BBS12: variants seen among roughly 807,000 people sequenced by gnomAD.
BBS12 encodes chaperonin-containing T-complex member BBS12.
Under a neutral mutation model 5.6 loss-of-function variants are expected in BBS12, and 5 were observed. The observed-to-expected ratio is 0.89, with a 90% CI of 0.46 to 1.86. The LOEUF (loss-of-function observed/expected upper bound fraction) is 1.86, where lower values mean the gene tolerates loss of function less well. Among genes scored for constraint, BBS12 ranks in the 40% most tolerant of loss-of-function variants. The pLI is 0.01. For synonymous variants in BBS12, 308 were observed against 306.8 expected (o/e 1.00, Z -0.04); for missense variants, 748 against 830.4 (o/e 0.90, Z 1.22).
At position 122,744,032 on chromosome 4, in the gene BBS12, T is replaced by C; in HGVS notation, c.*7T>C. ...GGGCTTTCTATTTTTGTAGTGTTAC[T>C]GGCTAAGTCTTTGGAAAATAATTTT... is the stretch of plus-strand genomic sequence containing the variant. On this transcript the variant is annotated 3_prime_UTR_variant, in exon 2 of 2. Coordinates refer to ENST00000314218, the MANE Select transcript of BBS12 (RefSeq NM_152618.3). 1 of 1,608,848 alleles carries C rather than the reference T, an allele frequency of 6.2e-7. No individual in the cohort carries two copies. Among genetic ancestry groups the C allele is most frequent in the Non-Finnish European group, 8.5e-7 (1 of 1,175,232 alleles).
At chr4:122,734,712 A>G (rs563477394) in intron 1 of BBS12, among the ~76,000 whole-genome samples, 1 of 152,340 alleles carries the variant, frequency 6.6e-6, no homozygotes, top group Admixed American at 6.5e-5. Flanking sequence ...GGAGTAGTAT[A>G]TTAACCTATT....
chr4:122,737,518 A>G (rs554799312), intron 1 of BBS12, among the ~76,000 whole-genome samples: 1 of 152,212 alleles, frequency 6.6e-6, no homozygotes, highest in South Asian at 2.1e-4. Flanking sequence ...ACATTACATA[A>G]TACTTGTAAA....
At chr4:122,704,638 T>C in the BBS12 span, among the ~76,000 whole-genome samples, 1 of 152,226 alleles carries the variant, frequency 6.6e-6, no homozygotes, top group Non-Finnish European at 1.5e-5. Flanking sequence ...GCTTTATGAA[T>C]AAGCCTGCTT....
chr4:122,726,322 T>C, the BBS12 span, among the ~76,000 whole-genome samples: 1 of 152,064 alleles, frequency 6.6e-6, no homozygotes, highest in African/African-American at 2.4e-5. Context: ...TATGAAAAAA[T>C]GCTCAACATC....
upstream of BBS12, chr4:122,730,819 C>T (rs973298293): frequency 7.2e-5 from 11 of 151,980 alleles, no homozygotes; most frequent in African/African-American, 2.7e-4. Flanking sequence ...GCAAAATCTA[C>T]CTGAAGTTCA....
At chr4:122,712,330 A>T in the BBS12 span, among the ~76,000 whole-genome samples, 1 of 152,230 alleles carries the variant, frequency 6.6e-6, no homozygotes. Flanking sequence ...GCCAAATGTC[A>T]TTCCTCCTTA....
Position 122,741,919 on chromosome 4 carries a change from C to T in BBS12, c.27C>T (p.Asn9=). The T allele has an allele frequency of 6.2e-7, 1 of 1,614,070 alleles. No individual in the cohort carries two copies. Among genetic ancestry groups the T allele is most frequent in the South Asian group, 1.1e-5 (1 of 91,068 alleles). Residue 9 remains asparagine (N), a synonymous_variant, in exon 2 of 2, where the codon AAC becomes AAT. Coordinates refer to ENST00000314218, the MANE Select transcript of BBS12 (RefSeq NM_152618.3). MVMACRVV[N]KRRHMGLQQL... ...TGGTGATGGCTTGCAGAGTCGTAAA[C>T]AAAAGAAGACACATGGGACTTCAAC...
In BBS12 at chr4:122,743,251, G is replaced by C. The variant is rs777777112; in HGVS notation, c.1359G>C (p.Gln453His). Residue 453 changes from glutamine to histidine, a missense_variant, in exon 2 of 2, where the codon CAG becomes CAC. Coordinates refer to ENST00000314218, the MANE Select transcript of BBS12 (RefSeq NM_152618.3). ...TTGCAGAGGCTGCAGGAGCAGTACA[G>C]GTGGCCTACATTACACAAGTGAATG... ...QAFAEAAGAV[Q>H]VAYITQVNED... The C allele has an allele frequency of 3.7e-6, 6 of 1,614,206 alleles. No homozygotes were observed. In the East Asian group the frequency reaches 1.1e-4, roughly 30 times the overall value.
In BBS12 at chr4:122,743,022, A is replaced by C. The variant is rs376806967; in HGVS notation, c.1130A>C (p.Asn377Thr). The change falls in exon 2 of 2, where the codon AAT (asparagine) becomes ACT (threonine). Residue 377 changes from asparagine to threonine, a missense_variant. By Grantham distance (65) the Asn-to-Thr change is moderately conservative. Transcript: ENST00000314218. Reference sequence around the variant, plus strand: ...CACCTGGGATTTAATAAGTCTGCAAATATTAAAACAGTATTAGATAGCATG... The same window carrying C: ...CACCTGGGATTTAATAAGTCTGCAACTATTAAAACAGTATTAGATAGCATG... ...YRHLGFNKSANIKTVLDSMRL... is the reference protein window; with the variant it reads ...YRHLGFNKSATIKTVLDSMRL... 2.5e-5 allele frequency: 41 copies of C among 1,614,148 alleles called. No homozygotes were observed. Among genetic ancestry groups the C allele is most frequent in the Non-Finnish European group, 3.4e-5 (40 of 1,180,060 alleles).
At chr4:122,741,858 T>C (rs1284508097) in intron 1 of BBS12, 25 bp from the exon 2 acceptor site, 1 of 1,581,936 alleles carries the variant, frequency 6.3e-7, no homozygotes, top group Non-Finnish European at 8.7e-7. Flanking sequence ...CTGAATAAAG[T>C]TACAAGTTTT....
At chr4:122,727,479 C>T in the BBS12 span, among the ~76,000 whole-genome samples, 6 of 150,858 alleles carry the variant, frequency 4.0e-5, no homozygotes, top group African/African-American at 1.5e-4. Context: ...CTCCTGACCT[C>T]GTAATGCGCC....
chr4:122,705,866 A>G, the BBS12 span, among the ~76,000 whole-genome samples: 1 of 152,218 alleles, frequency 6.6e-6, no homozygotes, highest in Non-Finnish European at 1.5e-5. Flanking sequence ...CATAGAAACA[A>G]TATTATAATG....
chr4:122,706,706 C>A, the BBS12 span, among the ~76,000 whole-genome samples: 1 of 152,174 alleles, frequency 6.6e-6, no homozygotes, highest in Non-Finnish European at 1.5e-5. Context: ...CAAGGTAAGA[C>A]TCTCATTTCG....
In BBS12 at chr4:122,743,793, C is replaced by T. The variant is rs751126507; in HGVS notation, c.1901C>T (p.Ser634Phe). ...GCCACAGACTCTGGCTCTCCTTCATCTTACATCTTGAATGAATATAGTAAA... is the reference window on the plus strand; with the variant it reads ...GCCACAGACTCTGGCTCTCCTTCATTTTACATCTTGAATGAATATAGTAAA... ...QNATDSGSPS[S>F]YILNEYSKLN... Residue 634 changes from serine to phenylalanine, a missense_variant, in exon 2 of 2, where the codon TCT becomes TTT. Ser to Phe is a radical substitution (Grantham distance 155). Transcript: ENST00000314218. 2 of 1,613,702 alleles carry T rather than the reference C, an allele frequency of 1.2e-6. No individual in the cohort carries two copies. The highest frequency in any genetic ancestry group is 1.7e-5 in the Admixed American group (1 of 59,958).
upstream of BBS12, chr4:122,731,022 T>C (rs1429256991): frequency 6.6e-5 from 10 of 152,194 alleles, no homozygotes; most frequent in African/African-American, 1.9e-4. Context: ...CTTAATTAGA[T>C]CTTTGGGGTC....
At chr4:122,715,778 C>T in the BBS12 span, among the ~76,000 whole-genome samples, 5 of 152,118 alleles carry the variant, frequency 3.3e-5, no homozygotes, top group African/African-American at 9.7e-5. Flanking sequence ...ATACAGTGCA[C>T]CTATTTTTTC....
At chr4:122,702,010 C>T in the BBS12 span, among the ~76,000 whole-genome samples, 3 of 152,238 alleles carry the variant, frequency 2.0e-5, no homozygotes, top group African/African-American at 2.4e-5. Flanking sequence ...CTCCCCAAAG[C>T]TCATGGAAAG....
At chr4:122,738,105 G>A (rs1800812145) in intron 1 of BBS12, among the ~76,000 whole-genome samples, 1 of 152,174 alleles carries the variant, frequency 6.6e-6, no homozygotes, top group African/African-American at 2.4e-5. Flanking sequence ...TCATACCTTG[G>A]ATTTGGCAAT....
At chr4:122,733,431 C>T (rs1342808747) in intron 1 of BBS12, among the ~76,000 whole-genome samples, 1 of 135,068 alleles carries the variant, frequency 7.4e-6, no homozygotes, top group Admixed American at 7.7e-5. Flanking sequence ...ACACATCCAG[C>T]CATTTCCTTG....
Sources: allele counts gnomAD v4.1 joint callset (sites outside exome capture counted in the v4.1 genomes callset), GRCh38; gene constraint gnomAD v4.1.1; transcripts MANE v1.5; gene names NCBI Gene and HGNC (gene_info 2026-07-23, HGNC 2026-07-21).